The following ZDHHC14 variants were observed in gnomAD, a reference collection of about 807,000 sequenced individuals.
ZDHHC14 encodes the protein palmitoyltransferase ZDHHC14.
In ZDHHC14, 16 loss-of-function variants were observed where a neutral mutation model predicts 47.7. That is an observed-to-expected ratio of 0.34 (90% confidence interval 0.23 to 0.51). The LOEUF is 0.51. Among genes scored for constraint, ZDHHC14 ranks in the 20% least tolerant of loss-of-function variants. The pLI, the probability that ZDHHC14 is intolerant of heterozygous loss-of-function variation, is 0.97. For synonymous variants in ZDHHC14, 293 were observed against 278.9 expected, an observed-to-expected ratio of 1.05 and a Z score of -0.50; for missense variants, 515 against 662.5, an observed-to-expected ratio of 0.78 and a Z score of 2.44.
At position 157,626,027 on chromosome 6, in the gene ZDHHC14, T is replaced by C. The variant is rs1369207384; in HGVS notation, c.566-2322T>C. Among the ~76,000 whole-genome samples the C allele has an allele frequency of 5.9e-5, 9 of 152,164 alleles. No individual in the cohort carries two copies. In the East Asian group the frequency reaches 7.7e-4, roughly 13 times the overall value. On this transcript the variant is annotated intron_variant, in intron 3 of 8. Transcript: ENST00000359775. ...CTCTGCCTCCGTCGGGAAAGCACAG[T>C]GTCACAGCTTAGCTGTTATTAAACT... is the stretch of plus-strand genomic sequence containing the variant.
intron 1 of ZDHHC14, among the ~76,000 whole-genome samples, chr6:157,421,389 G>T (rs1259872697): frequency 6.6e-6 from 1 of 150,902 alleles, no homozygotes; most frequent in African/African-American, 2.4e-5. Context: ...CTATTCGGAG[G>T]GGCTGAGGCA....
intron 1 of ZDHHC14, among the ~76,000 whole-genome samples, chr6:157,496,156 A>G (rs1368242565): frequency 6.6e-6 from 1 of 152,200 alleles, no homozygotes. Context: ...CTTGGAGCCA[A>G]GAGTCACAAA....
intron 1 of ZDHHC14, among the ~76,000 whole-genome samples, chr6:157,482,066 C>A (rs1779643989): frequency 6.6e-6 from 1 of 152,006 alleles, no homozygotes; most frequent in Non-Finnish European, 1.5e-5. Context: ...ATGGGACATT[C>A]CCACTGAAAC....
chr6:157,579,793 ACT>A (rs1783448767), intron 2 of ZDHHC14, among the ~76,000 whole-genome samples: 1 of 152,062 alleles, frequency 6.6e-6, no homozygotes, highest in South Asian at 2.1e-4. Context: ...TTGGGCAGAG[ACT>A]CTGGGGTTTT....
intron 8 of ZDHHC14, among the ~76,000 whole-genome samples, chr6:157,668,936 G>A (rs767547758): frequency 6.6e-6 from 1 of 152,110 alleles, no homozygotes; most frequent in Non-Finnish European, 1.5e-5. Context: ...GGTTTGGAGT[G>A]GTCTGAACCA....
chr6:157,597,133 C>G (rs1451110738), intron 3 of ZDHHC14, among the ~76,000 whole-genome samples: 1 of 152,144 alleles, frequency 6.6e-6, no homozygotes, highest in Non-Finnish European at 1.5e-5. Context: ...TTTATTTATC[C>G]AGGCGGGCTT....
intron 1 of ZDHHC14, among the ~76,000 whole-genome samples, chr6:157,495,957 G>A (rs564327583): frequency 2.8e-4 from 42 of 152,030 alleles, no homozygotes; most frequent in African/African-American, 7.5e-4. Flanking sequence ...CGGCTGCCTC[G>A]GCCTTCCAAA....
chr6:157,519,521 A>C (rs1463421358), intron 1 of ZDHHC14, among the ~76,000 whole-genome samples: 1 of 152,196 alleles, frequency 6.6e-6, no homozygotes, highest in Non-Finnish European at 1.5e-5. Context: ...CTTTTTCTAA[A>C]AGGTGCCGTC....
At chr6:157,605,213 C>T (rs1319570893) in intron 3 of ZDHHC14, among the ~76,000 whole-genome samples, 1 of 152,118 alleles carries the variant, frequency 6.6e-6, no homozygotes, top group African/African-American at 2.4e-5. Context: ...TTTGCTGGAA[C>T]AGGTTAAGTT....
chr6:157,433,432 G>A (rs1018009628), intron 1 of ZDHHC14, among the ~76,000 whole-genome samples: 9 of 152,100 alleles, frequency 5.9e-5, no homozygotes, highest in African/African-American at 1.9e-4. Flanking sequence ...AATAAAGAAA[G>A]AAAAAGATTA....
chr6:157,397,102 G>A (rs2114741591), intron 1 of ZDHHC14, among the ~76,000 whole-genome samples: 1 of 152,326 alleles, frequency 6.6e-6, no homozygotes, highest in Non-Finnish European at 1.5e-5. Context: ...ATTTTGGAAG[G>A]TTGTATGGGT....
chr6:157,389,846 C>T (rs933507820), intron 1 of ZDHHC14, among the ~76,000 whole-genome samples: 2 of 149,600 alleles, frequency 1.3e-5, no homozygotes, highest in Non-Finnish European at 3.0e-5. Flanking sequence ...TATTTTTAAA[C>T]AATCAATAGC....
At chr6:157,408,324 G>T (rs1453892299) in intron 1 of ZDHHC14, among the ~76,000 whole-genome samples, 1 of 151,950 alleles carries the variant, frequency 6.6e-6, no homozygotes, top group South Asian at 2.1e-4. Context: ...TAAGTTCCGG[G>T]GTACATGTGC....
At chr6:157,598,136 C>G (rs1167090677) in intron 3 of ZDHHC14, among the ~76,000 whole-genome samples, 1 of 152,326 alleles carries the variant, frequency 6.6e-6, no homozygotes, top group East Asian at 1.9e-4. Context: ...TGCATACACT[C>G]TGCTGTGCGC....
At chr6:157,551,678 C>T (rs1212784664) in intron 2 of ZDHHC14, among the ~76,000 whole-genome samples, 2 of 152,238 alleles carry the variant, frequency 1.3e-5, no homozygotes, top group Non-Finnish European at 1.5e-5. Context: ...TGACCTTCCT[C>T]TACAGCATAG....
At chr6:157,452,053 G>T (rs752674931) in intron 1 of ZDHHC14, among the ~76,000 whole-genome samples, 36 of 152,126 alleles carry the variant, frequency 2.4e-4, no homozygotes, top group Non-Finnish European at 4.6e-4. Context: ...GCCCTGTAGG[G>T]GTTGGACCCA....
chr6:157,567,899 C>A (rs534792250), intron 2 of ZDHHC14, among the ~76,000 whole-genome samples: 1 of 152,114 alleles, frequency 6.6e-6, no homozygotes, highest in Admixed American at 6.5e-5. Context: ...TGGACTCAGC[C>A]CCTTACAGCA....
chr6:157,607,988 C>G (rs1562505256), intron 3 of ZDHHC14, among the ~76,000 whole-genome samples: 1 of 152,214 alleles, frequency 6.6e-6, no homozygotes, highest in Non-Finnish European at 1.5e-5. Flanking sequence ...TGCGATGTGC[C>G]ATTATATGAT....
intron 1 of ZDHHC14, among the ~76,000 whole-genome samples, chr6:157,481,296 C>T (rs1052055923): frequency 2.0e-5 from 3 of 152,094 alleles, no homozygotes; most frequent in Non-Finnish European, 2.9e-5. Flanking sequence ...GTGTTTTTAT[C>T]GTATTTTTCC....
Sources: gnomAD v4.1 joint callset for allele counts (sites outside exome capture counted in the v4.1 genomes callset) on GRCh38, gnomAD v4.1.1 for gene constraint, MANE v1.5 for transcripts, NCBI Gene and HGNC (gene_info 2026-07-23, HGNC 2026-07-21) for gene names.